MDGA2: variants seen among roughly 807,000 people sequenced by gnomAD.
MDGA2 encodes the protein MAM domain containing glycosylphosphatidylinositol anchor 2, also known as MAM domain-containing glycosylphosphatidylinositol anchor protein 2.
In MDGA2, 40 loss-of-function variants were observed where a neutral mutation model predicts 117.8. The ratio of observed to expected loss-of-function variants is 0.34; its 90% CI spans 0.26 to 0.44. The LOEUF is 0.44. Ranked by LOEUF, MDGA2 falls within the 20% of genes least tolerant of loss-of-function variation. The probability of loss-of-function intolerance (pLI) is 1.00; values close to 1 mark genes in which losing one functional copy is unlikely to be tolerated. For missense variants in MDGA2, 1,123 were observed against 1,250.6 expected (o/e 0.90, Z 1.54); for synonymous variants, 452 against 439.0 (o/e 1.03, Z -0.37).
chr14:47,445,591 G>A (rs1370991502), intron 1 of MDGA2, among the ~76,000 whole-genome samples: 1 of 151,998 alleles, frequency 6.6e-6, no homozygotes, highest in African/African-American at 2.4e-5. Flanking sequence ...ACAAGGAAAA[G>A]CTTCATGAAA....
At chr14:47,318,353 C>T (rs551279200) in intron 1 of MDGA2, among the ~76,000 whole-genome samples, 1 of 152,242 alleles carries the variant, frequency 6.6e-6, no homozygotes, top group Admixed American at 6.5e-5. Flanking sequence ...AATCCTGGCC[C>T]AAGGCCTTTG....
At chr14:47,547,014 A>T (rs532132858) in intron 1 of MDGA2, among the ~76,000 whole-genome samples, 67 of 152,178 alleles carry the variant, frequency 4.4e-4, no homozygotes, top group African/African-American at 1.3e-3. Flanking sequence ...GTTGTTTTTT[A>T]AAAAAAATTA....
intron 1 of MDGA2, among the ~76,000 whole-genome samples, chr14:47,454,604 T>C (rs908423002): frequency 2.0e-5 from 3 of 152,204 alleles, no homozygotes; most frequent in African/African-American, 7.2e-5. Context: ...GAATAAGCTT[T>C]TACACATGTA....
At chr14:47,503,360 A>T (rs1314586500) in intron 1 of MDGA2, among the ~76,000 whole-genome samples, 1 of 151,350 alleles carries the variant, frequency 6.6e-6, no homozygotes, top group Non-Finnish European at 1.5e-5. Context: ...GTCCTAGATA[A>T]GTGATATGAT....
chr14:47,459,658 A>G (rs1348219652), intron 1 of MDGA2, among the ~76,000 whole-genome samples: 1 of 151,840 alleles, frequency 6.6e-6, no homozygotes, highest in African/African-American at 2.4e-5. Flanking sequence ...GACAGTTGTA[A>G]CAGGATATAT....
At position 47,612,710 on chromosome 14, in the gene MDGA2, T is replaced by C. The variant is rs183809319; in HGVS notation, c.280+61807A>G. Among the ~76,000 whole-genome samples, 572 of 152,302 alleles carry C rather than the reference T, an allele frequency of 3.8e-3. 4 individuals carry two copies. Among genetic ancestry groups the C allele is most frequent in the South Asian group, 0.011 (55 of 4,824 alleles). ...AAAAGCTATCTATACTTTGTTTTTTTCCCACAAGAGGTGCTAAAATAGCAT... is the reference window on the plus strand; with the variant it reads ...AAAAGCTATCTATACTTTGTTTTTTCCCCACAAGAGGTGCTAAAATAGCAT... On this transcript the variant is annotated intron_variant, in intron 1 of 16. Coordinates refer to ENST00000399232, the MANE Select transcript of MDGA2 (RefSeq NM_001113498.3).
At chr14:47,445,982 C>A (rs1893113920) in intron 1 of MDGA2, among the ~76,000 whole-genome samples, 1 of 152,120 alleles carries the variant, frequency 6.6e-6, no homozygotes, top group African/African-American at 2.4e-5. Flanking sequence ...ACACACAAAG[C>A]AGTCTGGGTC....
chr14:47,171,913 G>A lies in MDGA2; in HGVS notation c.596-27639C>T, dbSNP rs188609538. Among the ~76,000 whole-genome samples the A allele has an allele frequency of 1.8e-3, 279 of 152,274 alleles. 1 individual carries two copies. The highest frequency in any genetic ancestry group is 3.4e-3 in the Middle Eastern group (1 of 294). Reference sequence around the variant, plus strand: ...TTAGTGAAAGAAAGGGGTGACAGTAGGCACCTGGAATATCGGGTCATTCCC... The same window carrying A: ...TTAGTGAAAGAAAGGGGTGACAGTAAGCACCTGGAATATCGGGTCATTCCC... On this transcript the variant is annotated intron_variant, in intron 3 of 16. Coordinates refer to ENST00000399232, the MANE Select transcript of MDGA2 (RefSeq NM_001113498.3).
chr14:47,153,067 G>A (rs1052766853), intron 3 of MDGA2, among the ~76,000 whole-genome samples: 7 of 152,176 alleles, frequency 4.6e-5, no homozygotes, highest in African/African-American at 7.2e-5. Context: ...TTGGTATGAT[G>A]TTTGAGAAAC....
At chr14:47,223,424 C>T (rs149491246) in intron 2 of MDGA2, among the ~76,000 whole-genome samples, 396 of 152,202 alleles carry the variant, frequency 2.6e-3, no homozygotes, top group Admixed American at 4.4e-3. Context: ...TGGGCTGTAT[C>T]GTAAACTACT....
chr14:47,442,112 G>A (rs1893024541), intron 1 of MDGA2, among the ~76,000 whole-genome samples: 1 of 152,142 alleles, frequency 6.6e-6, no homozygotes, highest in South Asian at 2.1e-4. Context: ...ATCATAGGTT[G>A]GGATCAATTT....
At chr14:47,593,911 A>C (rs1281410574) in intron 1 of MDGA2, among the ~76,000 whole-genome samples, 1 of 152,172 alleles carries the variant, frequency 6.6e-6, no homozygotes, top group Non-Finnish European at 1.5e-5. Context: ...ACTTGTTAAA[A>C]ACAAAACTTT....
At chr14:47,113,029 C>G (rs945655308) in intron 5 of MDGA2, among the ~76,000 whole-genome samples, 9 of 152,108 alleles carry the variant, frequency 5.9e-5, no homozygotes, top group Non-Finnish European at 2.9e-5. Flanking sequence ...TTGTTGCCTG[C>G]TTAAGTATCT....
At chr14:47,646,057 G>A (rs1164361466) in intron 1 of MDGA2, among the ~76,000 whole-genome samples, 15 of 144,708 alleles carry the variant, frequency 1.0e-4, no homozygotes, top group African/African-American at 3.4e-4. Context: ...TCCAGCCTGC[G>A]CGACAGAGCA....
At chr14:47,027,880 A>G (rs1457139566) in intron 8 of MDGA2, among the ~76,000 whole-genome samples, 1 of 151,986 alleles carries the variant, frequency 6.6e-6, no homozygotes, top group Admixed American at 6.6e-5. Flanking sequence ...TCAAATATTC[A>G]AGAGTAATGT....
At chr14:47,664,391 A>G (rs1374272066) in intron 1 of MDGA2, among the ~76,000 whole-genome samples, 1 of 152,180 alleles carries the variant, frequency 6.6e-6, no homozygotes, top group Admixed American at 6.5e-5. Context: ...CTAAGTGTAG[A>G]TTTTTAAGAA....
chr14:47,483,960 T>A (rs897482737), intron 1 of MDGA2, among the ~76,000 whole-genome samples: 1 of 152,214 alleles, frequency 6.6e-6, no homozygotes, highest in Non-Finnish European at 1.5e-5. Flanking sequence ...GTCAAAACTC[T>A]TGAGATACAA....
At chr14:47,377,563 A>G (rs1891507365) in intron 1 of MDGA2, among the ~76,000 whole-genome samples, 2 of 152,080 alleles carry the variant, frequency 1.3e-5, no homozygotes, top group African/African-American at 4.8e-5. Flanking sequence ...CCAGGAGATT[A>G]TATCCCATGC....
chr14:47,125,646 T>C (rs1881865666), intron 5 of MDGA2, among the ~76,000 whole-genome samples: 1 of 151,960 alleles, frequency 6.6e-6, no homozygotes, highest in South Asian at 2.1e-4. Context: ...AAGATAAATA[T>C]TTTCCCTCTA....
Sources: allele counts gnomAD v4.1 joint callset (sites outside exome capture counted in the v4.1 genomes callset), GRCh38; gene constraint gnomAD v4.1.1; transcripts MANE v1.5; gene names NCBI Gene and HGNC (gene_info 2026-07-23, HGNC 2026-07-21).